The following CYP2J2 variants were observed in gnomAD, a reference collection of about 807,000 sequenced individuals.
CYP2J2 encodes the protein cytochrome P450 family 2 subfamily J member 2, also known as cytochrome P450 2J2.
A neutral mutation model predicts 48.8 loss-of-function variants in CYP2J2; 41 were observed. The ratio of observed to expected loss-of-function variants is 0.84; its 90% CI spans 0.66 to 1.09. CYP2J2 has a LOEUF of 1.09. CYP2J2 is among the 50% of genes least tolerant of loss of function. The pLI is 0.00. For missense variants in CYP2J2, 644 were observed against 617.3 expected (o/e 1.04, Z -0.46); for synonymous variants, 221 against 227.1 (o/e 0.97, Z 0.24).
At chr1:59,902,485 G>A (rs995680052) in intron 7 of CYP2J2, among the ~76,000 whole-genome samples, 2 of 151,240 alleles carry the variant, frequency 1.3e-5, no homozygotes, top group Admixed American at 6.6e-5. Context: ...GCAGTGTGTC[G>A]GCTCACTGCA....
chr1:59,923,976 A>G (rs1384805261), intron 1 of CYP2J2, among the ~76,000 whole-genome samples: 1 of 152,188 alleles, frequency 6.6e-6, no homozygotes, highest in Non-Finnish European at 1.5e-5. Flanking sequence ...AACCCAAAGA[A>G]AGTAGCACCA....
the CYP2J2 span, among the ~76,000 whole-genome samples, chr1:59,954,532 C>T: frequency 7.1e-6 from 1 of 141,744 alleles, no homozygotes; most frequent in African/African-American, 2.8e-5. Flanking sequence ...GGGGAGAAAT[C>T]ATCTAAGGAA....
the CYP2J2 span, among the ~76,000 whole-genome samples, chr1:59,959,269 A>G: frequency 6.6e-6 from 1 of 152,144 alleles, no homozygotes; most frequent in Admixed American, 6.6e-5. Context: ...TGTATAGTAA[A>G]ATTCTTCAAA....
intron 7 of CYP2J2, among the ~76,000 whole-genome samples, chr1:59,901,567 A>G (rs1644320192): frequency 6.6e-6 from 1 of 152,186 alleles, no homozygotes; most frequent in South Asian, 2.1e-4. Context: ...TGTCTAGTAC[A>G]TGGCACCCCA....
the CYP2J2 span, among the ~76,000 whole-genome samples, chr1:59,962,944 A>C: frequency 1.3e-5 from 2 of 152,200 alleles, no homozygotes; most frequent in African/African-American, 4.8e-5. Context: ...AGCTGACTCC[A>C]TTGAGTGAAT....
the CYP2J2 span, among the ~76,000 whole-genome samples, chr1:59,949,423 TA>T: frequency 1.3e-5 from 2 of 152,234 alleles, no homozygotes; most frequent in East Asian, 3.9e-4. Context: ...TAAATATACT[TA>T]TTTTTTAGTG....
intron 7 of CYP2J2, among the ~76,000 whole-genome samples, chr1:59,902,869 C>G (rs1574248267): frequency 6.6e-6 from 1 of 151,912 alleles, no homozygotes; most frequent in East Asian, 1.9e-4. Context: ...AATAATGGGC[C>G]CAGAGTCAGA....
At chr1:59,922,099 GT>G (rs1047169284) in intron 1 of CYP2J2, among the ~76,000 whole-genome samples, 3 of 152,156 alleles carry the variant, frequency 2.0e-5, no homozygotes, top group Non-Finnish European at 4.4e-5. Context: ...ACTATCTTGT[GT>G]GTATCTTTTA....
At chr1:59,902,434 T>A (rs946023677) in intron 7 of CYP2J2, among the ~76,000 whole-genome samples, 14 of 152,132 alleles carry the variant, frequency 9.2e-5, no homozygotes, top group Non-Finnish European at 1.8e-4. Context: ...AATAACTTTT[T>A]TTTTTAATAC....
the CYP2J2 span, among the ~76,000 whole-genome samples, chr1:59,968,481 G>T: frequency 6.6e-6 from 1 of 152,126 alleles, no homozygotes; most frequent in East Asian, 1.9e-4. Flanking sequence ...GTCCCACCGA[G>T]AAGAGATGAG....
Position 59,901,038 on chromosome 1 carries a change from G to T in CYP2J2, c.1257C>A (p.Asp419Glu). 1.2e-6 allele frequency: 2 copies of T among 1,614,142 alleles called. No individual in the cohort carries two copies. Among genetic ancestry groups the T allele is most frequent in the Non-Finnish European group, 8.5e-7 (1 of 1,179,972 alleles). Residue 419 changes from aspartate to glutamate, a missense_variant, in exon 8 of 9, where the codon GAC becomes GAA. By Grantham distance (45) the Asp-to-Glu change is conservative. Coordinates refer to ENST00000371204, the MANE Select transcript of CYP2J2 (RefSeq NM_000775.4). ...HRDPTEWATP[D>E]TFNPDHFLEN... ...CCAGAAAATGGTCCGGATTGAATGT[G>T]TCAGGGGTGGCCCACTCTGTGGGGT...
Position 59,912,177 on chromosome 1 carries a change from T to C in CYP2J2, c.508A>G (p.Ile170Val). 1 of 1,613,214 alleles carries C rather than the reference T, an allele frequency of 6.2e-7. No homozygotes were observed. Among genetic ancestry groups the C allele is most frequent in the Non-Finnish European group, 8.5e-7 (1 of 1,179,604 alleles). ...QEEAQHLTEA[I>V]KEENGQPFDP... is the part of the protein sequence containing the mutation. Reference sequence around the variant, plus strand: ...CAATGCTCACCGTTCTCCTCTTTTATTGCTTCAGTGAGGTGTTGGGCCTCC... The same window carrying C: ...CAATGCTCACCGTTCTCCTCTTTTACTGCTTCAGTGAGGTGTTGGGCCTCC... The change falls in exon 3 of 9, where the codon ATA becomes GTA. Residue 170 changes from isoleucine (I) to valine (V), a missense_variant. Coordinates refer to ENST00000371204, the MANE Select transcript of CYP2J2 (RefSeq NM_000775.4).
At chr1:59,900,030 T>G (rs1365814615) in intron 8 of CYP2J2, among the ~76,000 whole-genome samples, 1 of 152,246 alleles carries the variant, frequency 6.6e-6, no homozygotes, top group Non-Finnish European at 1.5e-5. Context: ...CTGGCTATCT[T>G]AAAAACAAGA....
the CYP2J2 span, among the ~76,000 whole-genome samples, chr1:59,937,081 C>T: frequency 6.6e-6 from 1 of 152,156 alleles, no homozygotes; most frequent in Non-Finnish European, 1.5e-5. Flanking sequence ...GGCAGCTGGT[C>T]CTGCCACCAG....
intron 8 of CYP2J2, among the ~76,000 whole-genome samples, chr1:59,896,030 A>T (rs11572325): frequency 0.12 from 18,506 of 152,130 alleles, 1,197 homozygotes; most frequent in African/African-American, 0.17. Context: ...TAGATGCCCA[A>T]TCAAGCTGAT....
chr1:59,909,124 C>A (rs1644389221), intron 5 of CYP2J2, among the ~76,000 whole-genome samples: 1 of 152,158 alleles, frequency 6.6e-6, no homozygotes, highest in African/African-American at 2.4e-5. Flanking sequence ...GGACCTCAAA[C>A]CAAATGCTAT....
At chr1:59,925,160 C>G (rs1053786868) in intron 1 of CYP2J2, among the ~76,000 whole-genome samples, 2 of 152,078 alleles carry the variant, frequency 1.3e-5, no homozygotes, top group Non-Finnish European at 2.9e-5. Flanking sequence ...GGAAAAACTA[C>G]TAGAACTGAA....
At chr1:59,968,504 C>T in the CYP2J2 span, among the ~76,000 whole-genome samples, 1 of 151,832 alleles carries the variant, frequency 6.6e-6, no homozygotes, top group Non-Finnish European at 1.5e-5. Context: ...GGTGGGCACA[C>T]AGCCTGAACA....
At chr1:59,899,392 C>T (rs545533575) in intron 8 of CYP2J2, among the ~76,000 whole-genome samples, 1 of 152,310 alleles carries the variant, frequency 6.6e-6, no homozygotes, top group African/African-American at 2.4e-5. Context: ...TCATCAGAAT[C>T]AGCCCAGAGA....
Sources: allele counts gnomAD v4.1 joint callset (sites outside exome capture counted in the v4.1 genomes callset), GRCh38; gene constraint gnomAD v4.1.1; transcripts MANE v1.5; gene names NCBI Gene and HGNC (gene_info 2026-07-23, HGNC 2026-07-21).